SRRM4: variants seen among roughly 807,000 people sequenced by gnomAD.
SRRM4 encodes serine/arginine repetitive matrix 4, also known as serine/arginine repetitive matrix protein 4.
In SRRM4, 33 loss-of-function variants were observed where a neutral mutation model predicts 68.9. That is an observed-to-expected ratio of 0.48 (90% CI 0.36 to 0.64). SRRM4 has a LOEUF of 0.64. SRRM4 is among the 30% of genes least tolerant of loss of function. The pLI is 0.00. For synonymous variants in SRRM4, 318 were observed against 318.8 expected (o/e 1.00, Z 0.03); for missense variants, 817 against 827.1 (o/e 0.99, Z 0.15).
intron 1 of SRRM4, among the ~76,000 whole-genome samples, chr12:119,035,791 C>T (rs1302112793): frequency 6.6e-6 from 1 of 152,110 alleles, no homozygotes; most frequent in East Asian, 1.9e-4. Context: ...AACCTTTCTG[C>T]TTGCAGTAAC....
rs1954462286 is a variant in SRRM4, at chr12:119,154,774, G to A, written c.1532+391G>A. ...TGGAGCAGGACCTTGGCCTGGTGGT[G>A]GATCCCGAGCAGCGGAGACAGACCT... On this transcript the variant is annotated intron_variant, in intron 12 of 12. Coordinates refer to ENST00000267260, the MANE Select transcript of SRRM4 (RefSeq NM_194286.4). This position sits in a 1 kb window ranked among gnomAD's most constrained non-coding sequence, Gnocchi z 4.7. Among the ~76,000 whole-genome samples the A allele has an allele frequency of 6.6e-6, 1 of 152,180 alleles. No individual in the cohort carries two copies. The highest frequency in any genetic ancestry group is 1.5e-5 in the Non-Finnish European group (1 of 68,042).
chr12:118,982,691 T>G (rs796460739), intron 1 of SRRM4, among the ~76,000 whole-genome samples: 3 of 138,982 alleles, frequency 2.2e-5, no homozygotes, highest in Non-Finnish European at 4.7e-5. Context: ...TTTTTTTTTT[T>G]TTTTCCAAAA....
chr12:119,071,334 T>C (rs1953876700), intron 1 of SRRM4, among the ~76,000 whole-genome samples: 1 of 152,200 alleles, frequency 6.6e-6, no homozygotes, highest in African/African-American at 2.4e-5. Flanking sequence ...GTTGGAATCT[T>C]AGCTTTGGCC....
At chr12:118,982,688 T>C (rs1244439919) in intron 1 of SRRM4, among the ~76,000 whole-genome samples, 1 of 141,786 alleles carries the variant, frequency 7.1e-6, no homozygotes, top group Admixed American at 6.9e-5. Context: ...TGTTTTTTTT[T>C]TTTTTTTCCA....
rs201559885 is a variant in SRRM4 at position 119,145,568 on chromosome 12, G to A, written c.959G>A (p.Arg320Gln). ...GSPSGGLSKSRELNSGNTSDS... is the reference protein window; with the variant it reads ...GSPSGGLSKSQELNSGNTSDS... ...CCCAGTGGGGGCTTGAGCAAGAGCCGGGAGCTCAACAGTGGCAACACCTCT... is the reference window on the plus strand; with the variant it reads ...CCCAGTGGGGGCTTGAGCAAGAGCCAGGAGCTCAACAGTGGCAACACCTCT... The change falls in exon 9 of 13, where the codon CGG becomes CAG. Residue 320 changes from arginine to glutamine, a missense_variant. Physicochemically the swap from Arg to Gln is conservative, Grantham distance 43 (BLOSUM62 1). Transcript: ENST00000267260. 351 of 1,603,686 alleles carry A rather than the reference G, an allele frequency of 2.2e-4. 3 individuals carry two copies. Among genetic ancestry groups the A allele is most frequent in the Admixed American group, 3.4e-4 (20 of 58,688 alleles).
intron 1 of SRRM4, among the ~76,000 whole-genome samples, chr12:119,041,580 CTG>C (rs1417713719): frequency 6.6e-6 from 1 of 152,190 alleles, no homozygotes; most frequent in Non-Finnish European, 1.5e-5. Flanking sequence ...AAGTTGCACT[CTG>C]TGTTGAAAAG....
intron 1 of SRRM4, among the ~76,000 whole-genome samples, chr12:119,045,403 T>C (rs1953699341): frequency 6.7e-6 from 1 of 148,822 alleles, no homozygotes; most frequent in Non-Finnish European, 1.5e-5. Context: ...AAGGGCAGAG[T>C]GTGTTATAAT....
chr12:119,033,625 C>G (rs1953607414), intron 1 of SRRM4, among the ~76,000 whole-genome samples: 1 of 151,044 alleles, frequency 6.6e-6, no homozygotes, highest in Non-Finnish European at 1.5e-5. Context: ...GAATATTCCA[C>G]TGCAGTCCAG....
chr12:118,982,974 A>T (rs926756622), intron 1 of SRRM4, among the ~76,000 whole-genome samples: 2 of 152,148 alleles, frequency 1.3e-5, no homozygotes, highest in African/African-American at 4.8e-5. Context: ...ATGAAAACTC[A>T]TCTTTTGCTG....
chr12:119,114,089 C>T (rs1954161955), intron 2 of SRRM4, 189 bp from the exon 3 acceptor site: 2 of 488,548 alleles, frequency 4.1e-6, no homozygotes, highest in Admixed American at 3.2e-5. Flanking sequence ...GTCTCATTAA[C>T]TCGGCATTAA....
At chr12:118,983,726 A>G (rs913136907) in intron 1 of SRRM4, among the ~76,000 whole-genome samples, 2 of 152,192 alleles carry the variant, frequency 1.3e-5, no homozygotes, top group Non-Finnish European at 2.9e-5. Flanking sequence ...AAGCACACCT[A>G]TTATCTGCCT....
rs141410480 is a variant in SRRM4 at position 119,019,960 on chromosome 12, C to A, written c.131+37947C>A. Reference sequence around the variant, plus strand: ...ACAGTTCCCCCCGCTCCCCCCCCCCCCAAAAAAAAATCACACACATGCAAC... The same window carrying A: ...ACAGTTCCCCCCGCTCCCCCCCCCCACAAAAAAAAATCACACACATGCAAC... On this transcript the variant is annotated intron_variant, in intron 1 of 12. Transcript: ENST00000267260. Among the ~76,000 whole-genome samples the A allele has an allele frequency of 2.4e-3, 187 of 78,068 alleles. 3 individuals are homozygous for A. The highest frequency in any genetic ancestry group is 7.2e-3 in the African/African-American group (171 of 23,846). The allele number at this position is 78,068 out of a possible 152,430, so 51.2% of individuals were successfully genotyped here.
At chr12:119,025,306 A>G (rs1280519214) in intron 1 of SRRM4, among the ~76,000 whole-genome samples, 1 of 152,144 alleles carries the variant, frequency 6.6e-6, no homozygotes, top group Non-Finnish European at 1.5e-5. Flanking sequence ...GCTGGAATAT[A>G]TGGTGCAAGG....
chr12:119,119,106 A>T (rs556959035), intron 4 of SRRM4, among the ~76,000 whole-genome samples: 1 of 150,396 alleles, frequency 6.6e-6, no homozygotes, highest in Non-Finnish European at 1.5e-5. Context: ...GTTTTTAAAA[A>T]TTTTTCATTT....
At chr12:119,002,627 T>A (rs11069224) in intron 1 of SRRM4, among the ~76,000 whole-genome samples, 42,196 of 152,080 alleles carry the variant, frequency 0.28, 6,117 homozygotes, top group Non-Finnish European at 0.31. Flanking sequence ...AATATTTTTA[T>A]TTAGTTATCT....
chr12:119,059,529 A>G (rs1369337991), intron 1 of SRRM4, among the ~76,000 whole-genome samples: 3 of 152,178 alleles, frequency 2.0e-5, no homozygotes, highest in Non-Finnish European at 2.9e-5. Context: ...TGTCCCCACT[A>G]TGTGCCAAGA....
chr12:119,024,234 A>T lies in SRRM4; in HGVS notation c.131+42221A>T, dbSNP rs973653858. ...GGTGCTCTGCCCGAAGTCATCCAAC[A>T]TGTTGAGGCTGACAAGGGCCAGAAC... On this transcript the variant is annotated intron_variant, in intron 1 of 12. Transcript: ENST00000267260. 2.0e-5 allele frequency among the ~76,000 whole-genome samples: 3 copies of T among 152,134 alleles called. No homozygotes were observed. The East Asian group carries it at 5.8e-4, about 29-fold the overall frequency.
chr12:119,097,632 T>C (rs1954053938), intron 1 of SRRM4, among the ~76,000 whole-genome samples: 1 of 152,150 alleles, frequency 6.6e-6, no homozygotes, highest in African/African-American at 2.4e-5. Context: ...CATCAGAGGG[T>C]ATAAAGTTAC....
chr12:119,150,557 AG>A (rs1359458591), intron 9 of SRRM4, among the ~76,000 whole-genome samples: 1 of 152,230 alleles, frequency 6.6e-6, no homozygotes, highest in Non-Finnish European at 1.5e-5. Flanking sequence ...TGCCTAACCA[AG>A]GCTGAGTCTG....
Sources: gnomAD v4.1 joint callset for allele counts (sites outside exome capture counted in the v4.1 genomes callset) on GRCh38, gnomAD v4.1.1 for gene constraint, Gnocchi (gnomAD v3.1) non-coding constraint, MANE v1.5 for transcripts, NCBI Gene and HGNC (gene_info 2026-07-23, HGNC 2026-07-21) for gene names.